Variants in AFF2 observed in about 807,000 individuals in gnomAD.
AFF2 encodes ALF transcription elongation factor 2.
AFF2 carries 14 observed loss-of-function variants against 76.9 expected under a neutral mutation model. That is an observed-to-expected ratio of 0.18 (90% confidence interval 0.12 to 0.28). AFF2 has a LOEUF of 0.28. AFF2 is among the 10% of genes least tolerant of loss of function. AFF2 has a pLI of 1.00. For missense variants in AFF2, 868 were observed against 1,001.1 expected, an observed-to-expected ratio of 0.87 and a Z score of 1.79; for synonymous variants, 398 against 366.7, an observed-to-expected ratio of 1.09 and a Z score of -0.98.
chrX:148,752,048 C>T (rs181349338), intron 3 of AFF2, among the ~76,000 whole-genome samples: 66 of 111,121 alleles, frequency 5.9e-4, no homozygotes, highest in African/African-American at 2.0e-3. Flanking sequence ...CCTCTTTTAT[C>T]GGGGTACCAA....
intron 1 of AFF2, among the ~76,000 whole-genome samples, chrX:148,524,073 G>C (rs1175963127): frequency 9.8e-6 from 1 of 101,617 alleles, no homozygotes; most frequent in East Asian, 3.1e-4. Context: ...TACAGCTTTG[G>C]TTGAAGCCTC....
chrX:148,835,472 T>A (rs782422348), intron 4 of AFF2, among the ~76,000 whole-genome samples: 3 of 98,274 alleles, frequency 3.1e-5, no homozygotes, highest in East Asian at 6.6e-4. Context: ...TACATATCCA[T>A]CACGTCACAT....
intron 4 of AFF2, among the ~76,000 whole-genome samples, chrX:148,834,686 G>A (rs1190683738): frequency 9.0e-6 from 1 of 111,491 alleles, no homozygotes; most frequent in Non-Finnish European, 1.9e-5. Context: ...TGAAGGATTA[G>A]TAAAGTTGGG....
At chrX:148,815,658 T>G (rs1425014438) in intron 4 of AFF2, among the ~76,000 whole-genome samples, 8 of 111,047 alleles carry the variant, frequency 7.2e-5, no homozygotes, top group African/African-American at 9.8e-5. Flanking sequence ...ATATATGAGG[T>G]GAATTTTAAA....
chrX:148,706,433 C>T (rs1557262398), intron 3 of AFF2, among the ~76,000 whole-genome samples: 1 of 112,437 alleles, frequency 8.9e-6, no homozygotes, highest in Non-Finnish European at 1.9e-5. Context: ...AAGCTATCTG[C>T]CGTGGTAAAC....
intron 9 of AFF2, among the ~76,000 whole-genome samples, chrX:148,910,914 T>C (rs1219578704): frequency 1.8e-5 from 2 of 111,705 alleles, no homozygotes; most frequent in African/African-American, 6.5e-5. Flanking sequence ...AGTATGAAAT[T>C]GCATGCGTCA....
chrX:148,961,284 C>G (rs2072105517), intron 12 of AFF2, among the ~76,000 whole-genome samples: 1 of 111,858 alleles, frequency 8.9e-6, no homozygotes, highest in Non-Finnish European at 1.9e-5. Flanking sequence ...TTCCCAAAGG[C>G]CTGGTGCCTT....
At chrX:148,751,812 C>A (rs889155450) in intron 3 of AFF2, among the ~76,000 whole-genome samples, 1 of 112,057 alleles carries the variant, frequency 8.9e-6, no homozygotes. Context: ...TGTTCACTCT[C>A]CGTGCATGTT....
intron 4 of AFF2, among the ~76,000 whole-genome samples, chrX:148,823,160 C>G: frequency 9.0e-6 from 1 of 111,606 alleles, no homozygotes. Context: ...CTGGTCTGCT[C>G]CTGTCCTGTG....
At chrX:148,917,876 AAAACAAAC>A (rs782176825) in intron 9 of AFF2, among the ~76,000 whole-genome samples, 1 of 112,270 alleles carries the variant, frequency 8.9e-6, no homozygotes, top group Non-Finnish European at 1.9e-5. Context: ...TGAAGTGTAC[AAAACAAAC>A]AAACAAACAA....
At chrX:148,606,772 A>T in intron 1 of AFF2, among the ~76,000 whole-genome samples, 2 of 111,931 alleles carry the variant, frequency 1.8e-5, no homozygotes, top group Middle Eastern at 9.2e-3. Context: ...CTGGATCATG[A>T]TTATAAACGT....
chrX:148,642,554 T>A, intron 1 of AFF2, among the ~76,000 whole-genome samples: 1 of 112,138 alleles, frequency 8.9e-6, no homozygotes, highest in Non-Finnish European at 1.9e-5. Context: ...GGTAGCTTTT[T>A]CCTAATTTGA....
chrX:148,702,012 C>A (rs937295688), intron 3 of AFF2, among the ~76,000 whole-genome samples: 1 of 112,046 alleles, frequency 8.9e-6, no homozygotes, highest in African/African-American at 3.2e-5. Flanking sequence ...GATATTTTGA[C>A]ATTTATATTT....
intron 7 of AFF2, among the ~76,000 whole-genome samples, chrX:148,880,176 T>C (rs1378248632): frequency 2.7e-5 from 3 of 112,040 alleles, no homozygotes; most frequent in Non-Finnish European, 5.6e-5. Context: ...AGTGAGGTGG[T>C]GGCCACTGAA....
At chrX:148,642,579 C>A (rs782563414) in intron 1 of AFF2, among the ~76,000 whole-genome samples, 1 of 111,945 alleles carries the variant, frequency 8.9e-6, no homozygotes, top group South Asian at 3.7e-4. Flanking sequence ...CAGAGCTGAT[C>A]TGTGTAAGTT....
intron 3 of AFF2, among the ~76,000 whole-genome samples, chrX:148,676,209 A>AC (rs2054482025): frequency 9.2e-6 from 1 of 108,913 alleles, no homozygotes; most frequent in Non-Finnish European, 1.9e-5. Context: ...ACAGGCACCC[A>AC]CCACCACGCC....
In AFF2 at chrX:148,801,113, T is replaced by A. The variant is rs73638193; in HGVS notation, c.1042-8763T>A. On this transcript the variant is annotated intron_variant, in intron 3 of 20. Coordinates refer to ENST00000370460, the MANE Select transcript of AFF2 (RefSeq NM_002025.4). Reference sequence around the variant, plus strand: ...AGTCACTACGGTGGAGTCCTGGTCATTAGTCCTACTCCTGCGCTTTCTGCT... The same window carrying A: ...AGTCACTACGGTGGAGTCCTGGTCAATAGTCCTACTCCTGCGCTTTCTGCT... 7.2e-3 allele frequency among the ~76,000 whole-genome samples: 803 copies of A among 111,918 alleles called. 6 individuals carry two copies. Among genetic ancestry groups the A allele is most frequent in the African/African-American group, 0.025 (756 of 30,778 alleles).
Position 148,507,508 on chromosome X carries a change from G to C in AFF2, c.47+6364G>C, listed in dbSNP as rs782106535. On this transcript the variant is annotated intron_variant, in intron 1 of 20. Coordinates refer to ENST00000370460, the MANE Select transcript of AFF2 (RefSeq NM_002025.4). Reference sequence around the variant, plus strand: ...AAATCTGAGGAAAATATGAGTGGTCGGAGGGTTGGGATTCCTCCAGCTTTC... The same window carrying C: ...AAATCTGAGGAAAATATGAGTGGTCCGAGGGTTGGGATTCCTCCAGCTTTC... 3.6e-5 allele frequency among the ~76,000 whole-genome samples: 4 copies of C among 111,504 alleles called. No individual in the cohort carries two copies. In the Admixed American group the frequency reaches 3.8e-4, roughly 11 times the overall value.
chrX:148,969,854 C>G (rs1305563163), intron 15 of AFF2, among the ~76,000 whole-genome samples: 3 of 110,150 alleles, frequency 2.7e-5, no homozygotes, highest in African/African-American at 9.9e-5. Context: ...TGGGAAGCAC[C>G]CTTATAGTTT....
Sources: allele counts gnomAD v4.1 joint callset (sites outside exome capture counted in the v4.1 genomes callset), GRCh38; gene constraint gnomAD v4.1.1; transcripts MANE v1.5; gene names NCBI Gene and HGNC (gene_info 2026-07-23, HGNC 2026-07-21).